Variants in PDE7B observed in about 807,000 individuals in gnomAD.
The protein encoded by PDE7B is 3',5'-cyclic-AMP phosphodiesterase 7B.
In PDE7B, 29 loss-of-function variants were observed where a neutral mutation model predicts 56.2. The ratio of observed to expected loss-of-function variants is 0.52; its 90% CI spans 0.38 to 0.70. The LOEUF is 0.70. PDE7B is among the 30% of genes least tolerant of loss of function. PDE7B has a pLI of 0.00. For synonymous variants in PDE7B, 197 were observed against 196.9 expected (o/e 1.00, Z 0.00); for missense variants, 490 against 565.0 (o/e 0.87, Z 1.35).
At chr6:135,991,350 G>C (rs1052507510) in intron 2 of PDE7B, among the ~76,000 whole-genome samples, 10 of 152,094 alleles carry the variant, frequency 6.6e-5, no homozygotes, top group African/African-American at 1.9e-4. Context: ...TAATTAGGTT[G>C]ATTGGTCCTT....
intron 2 of PDE7B, among the ~76,000 whole-genome samples, chr6:136,030,162 G>T (rs1288830607): frequency 6.6e-6 from 1 of 152,064 alleles, no homozygotes; most frequent in Non-Finnish European, 1.5e-5. Context: ...GAAAGACAAT[G>T]GAAAAAATAA....
chr6:136,014,679 C>A (rs1775946033), intron 2 of PDE7B, among the ~76,000 whole-genome samples: 1 of 152,132 alleles, frequency 6.6e-6, no homozygotes. Context: ...AGTTGCATAA[C>A]CAAGGCCGGG....
intron 1 of PDE7B, among the ~76,000 whole-genome samples, chr6:135,915,105 G>A (rs940086462): frequency 6.6e-6 from 1 of 151,522 alleles, no homozygotes; most frequent in African/African-American, 2.4e-5. Flanking sequence ...AAAAAAAAAG[G>A]ATTTATTCCT....
At position 135,928,467 on chromosome 6, in the gene PDE7B, ATT is replaced by A. The variant is rs1491560352; in HGVS notation, c.22-18995_22-18994del. Among the ~76,000 whole-genome samples the A allele has an allele frequency of 7.9e-3, 733 of 92,268 alleles. 9 individuals carry two copies. The highest frequency in any genetic ancestry group is 0.028 in the Middle Eastern group (5 of 180). 60.5% of individuals were successfully genotyped at this position (92,268 alleles called of 152,430 possible). A position where few individuals can be genotyped will look rare whatever the true frequency, so the allele number is the denominator to read the frequency against. On this transcript the variant is annotated intron_variant, in intron 1 of 12. Coordinates refer to ENST00000308191, the MANE Select transcript of PDE7B (RefSeq NM_018945.4). Reference sequence around the variant, plus strand: ...TATATATTTATTTATATATATATTTATTTATATATATATATTTATTTATATAT... The same window carrying A: ...TATATATTTATTTATATATATATTTATATATATATATATTTATTTATATAT...
intron 2 of PDE7B, among the ~76,000 whole-genome samples, chr6:135,989,199 A>T (rs1448758519): frequency 6.6e-6 from 1 of 152,240 alleles, no homozygotes; most frequent in East Asian, 1.9e-4. Flanking sequence ...ACTTGTGGAT[A>T]CAATGGTTGA....
At position 136,171,228 on chromosome 6, in the gene PDE7B, A is replaced by T. The variant is rs573185066; in HGVS notation, c.712-2569A>T. ...TCAAGGGAGAGATTGAATATAACACAGGTTCCCTCAAGGACAGGAATGTTA... is the reference window on the plus strand; with the variant it reads ...TCAAGGGAGAGATTGAATATAACACTGGTTCCCTCAAGGACAGGAATGTTA... On this transcript the variant is annotated intron_variant, in intron 8 of 12. Transcript: ENST00000308191. Among the ~76,000 whole-genome samples, 4 of 152,322 alleles carry T rather than the reference A, an allele frequency of 2.6e-5. No individual in the cohort carries two copies. In the South Asian group the frequency reaches 8.3e-4, roughly 32 times the overall value.
chr6:136,135,865 A>G (rs866943743), intron 3 of PDE7B, among the ~76,000 whole-genome samples: 1 of 152,268 alleles, frequency 6.6e-6, no homozygotes, highest in South Asian at 2.1e-4. Flanking sequence ...CACTGGTCTC[A>G]TCCAGAGAAT....
At chr6:136,000,657 G>T (rs1489835900) in intron 2 of PDE7B, among the ~76,000 whole-genome samples, 1 of 152,142 alleles carries the variant, frequency 6.6e-6, no homozygotes, top group Non-Finnish European at 1.5e-5. Context: ...CTGTAGCCCT[G>T]TAATATAGTT....
intron 2 of PDE7B, among the ~76,000 whole-genome samples, chr6:135,961,950 C>T (rs940250218): frequency 3.9e-5 from 6 of 152,076 alleles, no homozygotes; most frequent in African/African-American, 1.4e-4. Flanking sequence ...GTCTATAGAA[C>T]ATGCAACATC....
chr6:136,016,026 A>G (rs1394685728), intron 2 of PDE7B, among the ~76,000 whole-genome samples: 1 of 152,176 alleles, frequency 6.6e-6, no homozygotes, highest in Admixed American at 6.5e-5. Flanking sequence ...AACTTCTTTG[A>G]TGATTTACTA....
At chr6:135,957,044 G>C (rs1156633319) in intron 2 of PDE7B, among the ~76,000 whole-genome samples, 1 of 152,080 alleles carries the variant, frequency 6.6e-6, no homozygotes, top group Non-Finnish European at 1.5e-5. Flanking sequence ...AGAAGAACTG[G>C]CTGAAGTTTT....
chr6:136,176,794 T>C (rs1056866825), intron 9 of PDE7B, among the ~76,000 whole-genome samples: 1 of 152,186 alleles, frequency 6.6e-6, no homozygotes, highest in Non-Finnish European at 1.5e-5. Context: ...ATTGATAGCA[T>C]TGGGTATTAC....
Position 136,130,628 on chromosome 6 carries a change from G to A in PDE7B, c.167-16723G>A, listed in dbSNP as rs567276786. Among the ~76,000 whole-genome samples the A allele has an allele frequency of 3.9e-5, 6 of 152,242 alleles. No individual in the cohort carries two copies. In the South Asian group the frequency reaches 1.0e-3, roughly 26 times the overall value. On this transcript the variant is annotated intron_variant, in intron 3 of 12. Coordinates refer to ENST00000308191, the MANE Select transcript of PDE7B (RefSeq NM_018945.4). ...GAAGTGGAAACATAAGTAGTGAAGG[G>A]GATAAAGAGCCAATCCCATCACCTT...
At chr6:136,033,968 C>T (rs1776285378) in intron 2 of PDE7B, 1 of 151,972 alleles carries the variant, frequency 6.6e-6, no homozygotes, top group Admixed American at 6.6e-5. Context: ...AAACTCCCTC[C>T]ATAGTTTGCA....
intron 3 of PDE7B, among the ~76,000 whole-genome samples, chr6:136,137,722 C>A (rs927842166): frequency 6.6e-6 from 1 of 151,990 alleles, no homozygotes; most frequent in African/African-American, 2.4e-5. Context: ...AGAGACTATT[C>A]CATAAAGAAG....
chr6:136,099,208 CTAT>C (rs1459263618), intron 2 of PDE7B, among the ~76,000 whole-genome samples: 1 of 152,154 alleles, frequency 6.6e-6, no homozygotes. Context: ...CAAGTCTTTG[CTAT>C]TGTGAATAGT....
At chr6:136,127,525 G>T (rs1778043698) in intron 3 of PDE7B, among the ~76,000 whole-genome samples, 1 of 152,174 alleles carries the variant, frequency 6.6e-6, no homozygotes, top group Non-Finnish European at 1.5e-5. Flanking sequence ...TATTATTACA[G>T]AAGTGTTATT....
intron 2 of PDE7B, among the ~76,000 whole-genome samples, chr6:136,036,348 A>G (rs2128209483): frequency 6.6e-6 from 1 of 152,348 alleles, no homozygotes; most frequent in African/African-American, 2.4e-5. Context: ...TGCTAGATCA[A>G]TATTTTCATA....
chr6:135,889,340 T>G (rs1356772909), intron 1 of PDE7B, among the ~76,000 whole-genome samples: 1 of 151,742 alleles, frequency 6.6e-6, no homozygotes, highest in Non-Finnish European at 1.5e-5. Context: ...AGAGTCTTAC[T>G]CCGTCACCCA....
Sources: allele counts gnomAD v4.1 joint callset (sites outside exome capture counted in the v4.1 genomes callset), GRCh38; gene constraint gnomAD v4.1.1; transcripts MANE v1.5; gene names NCBI Gene and HGNC (gene_info 2026-07-23, HGNC 2026-07-21).